The following PSD3 variants were observed in gnomAD, a reference collection of about 807,000 sequenced individuals.
PSD3 encodes pleckstrin and Sec7 domain containing 3, also known as PH and SEC7 domain-containing protein 3.
Under a neutral mutation model 105.5 loss-of-function variants are expected in PSD3, and 49 were observed. That is an observed-to-expected ratio of 0.46 (90% CI 0.37 to 0.59). The LOEUF is 0.59. Ranked by LOEUF, PSD3 falls within the 20% of genes least tolerant of loss-of-function variation. The probability of loss-of-function intolerance (pLI) is 0.00; values close to 1 mark genes in which losing one functional copy is unlikely to be tolerated. For synonymous variants in PSD3, 557 were observed against 457.8 expected (o/e 1.22, Z -2.77); for missense variants, 1,561 against 1,263.8 (o/e 1.24, Z -3.57).
chr8:19,080,818 G>C (rs1406985574), intron 1 of PSD3, among the ~76,000 whole-genome samples: 1 of 152,026 alleles, frequency 6.6e-6, no homozygotes, highest in Non-Finnish European at 1.5e-5. Context: ...GTAAAAATGA[G>C]GGACATTAAA....
intron 9 of PSD3, among the ~76,000 whole-genome samples, chr8:18,728,493 G>A (rs1803492751): frequency 6.6e-6 from 1 of 152,172 alleles, no homozygotes. Context: ...AAAGGAGGGA[G>A]GAGTGTTTCA....
intron 14 of PSD3, among the ~76,000 whole-genome samples, chr8:18,571,470 G>C (rs1187293318): frequency 6.6e-6 from 1 of 152,046 alleles, no homozygotes; most frequent in Non-Finnish European, 1.5e-5. Context: ...CCAAGGCCAG[G>C]CTAGATAATG....
intron 1 of PSD3, among the ~76,000 whole-genome samples, chr8:19,049,448 G>A (rs1476994116): frequency 6.6e-6 from 1 of 152,124 alleles, no homozygotes; most frequent in Non-Finnish European, 1.5e-5. Context: ...TCAGTGCTCT[G>A]GGAGGCCACG....
intron 9 of PSD3, among the ~76,000 whole-genome samples, chr8:18,736,769 T>C (rs577009379): frequency 6.6e-6 from 1 of 152,362 alleles, no homozygotes; most frequent in Admixed American, 6.5e-5. Flanking sequence ...AGAAGTAATC[T>C]TCAAATATCA....
chr8:18,540,643 T>G (rs1225255666), intron 15 of PSD3, among the ~76,000 whole-genome samples: 1 of 152,196 alleles, frequency 6.6e-6, no homozygotes, highest in Non-Finnish European at 1.5e-5. Flanking sequence ...CTCATCACCT[T>G]GCGCCTGGGT....
At chr8:18,690,394 A>G (rs991451169) in intron 9 of PSD3, among the ~76,000 whole-genome samples, 20 of 152,248 alleles carry the variant, frequency 1.3e-4, no homozygotes, top group African/African-American at 4.1e-4. Flanking sequence ...CACACAAGGT[A>G]TCATGAGGAA....
chr8:18,872,692 T>G lies in PSD3; in HGVS notation c.172A>C (p.Asn58His), dbSNP rs571126339. The change falls in exon 3 of 16, where the codon AAT (asparagine) becomes CAT (histidine). Residue 58 changes from asparagine (N) to histidine (H), a missense_variant. Transcript: ENST00000327040. ...GSTLLPPNVTNEFPEYGTMEE... is the reference protein window; with the variant it reads ...GSTLLPPNVTHEFPEYGTMEE... ...ATGGTCCCATATTCTGGAAATTCAT[T>G]TGTGACATTTGGTGGGAGTAAAGTG... 6.0e-5 allele frequency: 95 copies of G among 1,586,788 alleles called. 1 individual carries two copies. The South Asian group carries it at 1.0e-3, about 17-fold the overall frequency.
At chr8:18,765,653 G>A (rs1806919596) in intron 8 of PSD3, 115 bp from the exon 9 acceptor site, 3 of 917,476 alleles carry the variant, frequency 3.3e-6, no homozygotes, top group East Asian at 2.5e-5. Flanking sequence ...TAGGCCAGGT[G>A]CGGTGGCTCA....
intron 12 of PSD3, among the ~76,000 whole-genome samples, chr8:18,587,065 A>G (rs547990329): frequency 1.3e-5 from 2 of 152,028 alleles, no homozygotes; most frequent in African/African-American, 4.8e-5. Flanking sequence ...TCCTCTCCTC[A>G]CCCAAATAGT....
At chr8:18,778,638 T>A (rs1185725114) in intron 8 of PSD3, among the ~76,000 whole-genome samples, 1 of 147,788 alleles carries the variant, frequency 6.8e-6, no homozygotes, top group Non-Finnish European at 1.5e-5. Context: ...TCTAATTTAT[T>A]GAGTTTTTTT....
intron 1 of PSD3, among the ~76,000 whole-genome samples, chr8:19,077,131 G>T (rs1414632272): frequency 6.6e-6 from 1 of 152,134 alleles, no homozygotes; most frequent in Admixed American, 6.5e-5. Flanking sequence ...ACTTCTCTGA[G>T]ATATCTCTGA....
chr8:19,037,188 A>G (rs777113318), intron 1 of PSD3, among the ~76,000 whole-genome samples: 12 of 152,256 alleles, frequency 7.9e-5, no homozygotes, highest in Non-Finnish European at 1.5e-4. Flanking sequence ...ATGGCAAATC[A>G]ATGATAGAAC....
chr8:18,992,930 A>G (rs1029255540), intron 1 of PSD3, among the ~76,000 whole-genome samples: 8 of 152,320 alleles, frequency 5.3e-5, no homozygotes, highest in African/African-American at 1.9e-4. Context: ...CAACTCAATA[A>G]TTATTTCTAT....
At chr8:18,905,067 A>G (rs952297978) in intron 2 of PSD3, among the ~76,000 whole-genome samples, 1 of 152,312 alleles carries the variant, frequency 6.6e-6, no homozygotes, top group East Asian at 1.9e-4. Context: ...TTTGCAAATT[A>G]AAAAACTGAG....
At chr8:18,627,640 G>T (rs1006497517) in intron 11 of PSD3, among the ~76,000 whole-genome samples, 2 of 151,960 alleles carry the variant, frequency 1.3e-5, no homozygotes, top group African/African-American at 4.8e-5. Context: ...CCAGAACAAA[G>T]GGTAAAGGCA....
rs888629955 is a variant in PSD3, at chr8:18,533,272, C to G, written c.*2471G>C. 3.3e-5 allele frequency: 5 copies of G among 152,162 alleles called. No homozygotes were observed. Among genetic ancestry groups the G allele is most frequent in the Admixed American group, 3.3e-4 (5 of 15,272 alleles). The allele number at this position is 152,162 out of a possible 1,614,324, so 9.4% of individuals were successfully genotyped here. ...CCTCAGGGAAGAGGTGTTCTCAGCC[C>G]ATGCGCTAAAGATGGACAGCATCAT... is the stretch of plus-strand genomic sequence containing the variant. On this transcript the variant is annotated 3_prime_UTR_variant, in exon 16 of 16. Coordinates refer to ENST00000327040, the MANE Select transcript of PSD3 (RefSeq NM_015310.4).
chr8:18,808,108 C>T (rs1285108834), intron 4 of PSD3, among the ~76,000 whole-genome samples: 1 of 152,184 alleles, frequency 6.6e-6, no homozygotes, highest in Non-Finnish European at 1.5e-5. Context: ...TTTTCCCATA[C>T]AAGTGACAGA....
chr8:18,966,501 G>A (rs1442182625), intron 1 of PSD3, among the ~76,000 whole-genome samples: 1 of 151,770 alleles, frequency 6.6e-6, no homozygotes, highest in South Asian at 2.1e-4. Flanking sequence ...AACCTGGGAG[G>A]TGGAGGTTGC....
At chr8:18,941,113 C>T (rs761987113) in intron 1 of PSD3, among the ~76,000 whole-genome samples, 3 of 152,172 alleles carry the variant, frequency 2.0e-5, no homozygotes, top group Non-Finnish European at 2.9e-5. Context: ...CCACAGAATT[C>T]AGACTACTAT....
Sources: gnomAD v4.1 joint callset for allele counts (sites outside exome capture counted in the v4.1 genomes callset) on GRCh38, gnomAD v4.1.1 for gene constraint, MANE v1.5 for transcripts, NCBI Gene and HGNC (gene_info 2026-07-23, HGNC 2026-07-21) for gene names.